IPP: variants seen among roughly 807,000 people sequenced by gnomAD.
The protein encoded by IPP is actin-binding protein IPP.
In IPP, 41 loss-of-function variants were observed where a neutral mutation model predicts 64.1. The observed-to-expected ratio is 0.64, with a 90% CI of 0.50 to 0.83. IPP has a LOEUF of 0.83. Ranked by LOEUF, IPP falls within the 40% of genes least tolerant of loss-of-function variation. The pLI, the probability that IPP is intolerant of heterozygous loss-of-function variation, is 0.00. For synonymous variants in IPP, 214 were observed against 235.2 expected, an observed-to-expected ratio of 0.91 and a Z score of 0.83; for missense variants, 649 against 703.0, an observed-to-expected ratio of 0.92 and a Z score of 0.87.
At chr1:45,712,750 T>C (rs1029905916) in intron 8 of IPP, among the ~76,000 whole-genome samples, 1 of 149,546 alleles carries the variant, frequency 6.7e-6, no homozygotes, top group African/African-American at 2.5e-5. Context: ...TCCCAGCTAC[T>C]GGAAGGCTGA....
At chr1:45,694,709 A>T (rs749337419), downstream of IPP, 86 of 515,380 alleles carry the variant, frequency 1.7e-4, no homozygotes, top group Admixed American at 7.1e-4. Context: ...AGTTTTTATT[A>T]GGATATTTGG....
chr1:45,704,171 G>C (rs950602789), intron 8 of IPP, among the ~76,000 whole-genome samples: 1 of 152,084 alleles, frequency 6.6e-6, no homozygotes, highest in Non-Finnish European at 1.5e-5. Flanking sequence ...CAGCTGGTAT[G>C]GTAAGAAAAT....
At chr1:45,721,026 G>A (rs1345898370) in intron 5 of IPP, among the ~76,000 whole-genome samples, 1 of 152,068 alleles carries the variant, frequency 6.6e-6, no homozygotes, top group Admixed American at 6.6e-5. Context: ...TTCATCAAAG[G>A]ATACCATAAA....
rs147914465 is a variant in IPP, at chr1:45,748,142, T to A, written c.-50-1681A>T. 6.6e-5 allele frequency among the ~76,000 whole-genome samples: 10 copies of A among 152,200 alleles called. No individual in the cohort carries two copies. The East Asian group carries it at 1.9e-3, about 29-fold the overall frequency. On this transcript the variant is annotated intron_variant, in intron 1 of 8. Coordinates refer to ENST00000396478, the MANE Select transcript of IPP (RefSeq NM_005897.3). ...ACTTCATATCACCATCTACAGAATA[T>A]CAACATATTACATATAACTAGCATA...
chr1:45,711,302 T>C (rs1373082046), intron 8 of IPP, among the ~76,000 whole-genome samples: 5 of 151,718 alleles, frequency 3.3e-5, no homozygotes, highest in Non-Finnish European at 7.4e-5. Flanking sequence ...GATCACGCCA[T>C]TGCACTTCAG....
At chr1:45,701,437 G>A (rs188237162) in intron 8 of IPP, among the ~76,000 whole-genome samples, 139 of 152,274 alleles carry the variant, frequency 9.1e-4, no homozygotes, top group African/African-American at 3.2e-3. Flanking sequence ...ACAGGAACCC[G>A]CCACCACGCC....
intron 3 of IPP, among the ~76,000 whole-genome samples, chr1:45,740,626 A>T (rs1646050248): frequency 6.6e-6 from 1 of 152,236 alleles, no homozygotes; most frequent in Non-Finnish European, 1.5e-5. Flanking sequence ...CTCTGTCAGT[A>T]ATTTTTATCT....
chr1:45,701,445 G>C (rs922094634), intron 8 of IPP, among the ~76,000 whole-genome samples: 1 of 152,124 alleles, frequency 6.6e-6, no homozygotes. Context: ...CCGCCACCAC[G>C]CCTGGCTAAT....
chr1:45,743,494 G>A (rs1261681743), intron 2 of IPP, among the ~76,000 whole-genome samples: 1 of 151,884 alleles, frequency 6.6e-6, no homozygotes, highest in Non-Finnish European at 1.5e-5. Context: ...TGGGAGGATT[G>A]CTTGAGCCTA....
chr1:45,742,659 G>T (rs115944435), intron 2 of IPP, among the ~76,000 whole-genome samples: 1 of 151,670 alleles, frequency 6.6e-6, no homozygotes, highest in South Asian at 2.1e-4. Context: ...TCAACCTCCC[G>T]AGTAGCTGGT....
chr1:45,714,387 C>G lies in IPP; in HGVS notation c.1389G>C (p.Lys463Asn), dbSNP rs577010046. 34 of 1,614,064 alleles carry G rather than the reference C, an allele frequency of 2.1e-5. No homozygotes were observed. Among genetic ancestry groups the G allele is most frequent in the African/African-American group, 4.0e-5 (3 of 75,048 alleles). The change falls in exon 8 of 9, where the codon AAG (lysine) becomes AAC (asparagine). Residue 463 changes from lysine to asparagine, a missense_variant. Lys to Asn is a moderately conservative substitution (Grantham distance 94). Coordinates refer to ENST00000396478, the MANE Select transcript of IPP (RefSeq NM_005897.3). ...RSFEVYDPLS[K>N]RWSPLPPMGT... ...CCATTGGAGGAAGTGGAGACCAACG[C>G]TTAGAAAGTGGATCATAGACTTCAA... is the stretch of plus-strand genomic sequence containing the variant.
At chr1:45,709,654 A>AT (rs1645564088) in intron 8 of IPP, among the ~76,000 whole-genome samples, 1 of 143,984 alleles carries the variant, frequency 6.9e-6, no homozygotes, top group East Asian at 2.1e-4. Context: ...ATGGAACCCC[A>AT]TCTCTACTAA....
intron 3 of IPP, among the ~76,000 whole-genome samples, chr1:45,738,839 CAAAAAAAAA>C (rs752168393): frequency 3.9e-4 from 3 of 7,696 alleles, no homozygotes; most frequent in African/African-American, 7.0e-4. Context: ...GACTCCATCT[CAAAAAAAAA>C]AAAAAAAAAA....
At chr1:45,708,606 G>A (rs1645545975) in intron 8 of IPP, among the ~76,000 whole-genome samples, 1 of 148,578 alleles carries the variant, frequency 6.7e-6, no homozygotes, top group Non-Finnish European at 1.5e-5. Flanking sequence ...TTGAACCTGG[G>A]AGGCAGACAT....
At chr1:45,749,683 G>A (rs1298612672) in intron 1 of IPP, among the ~76,000 whole-genome samples, 1 of 151,542 alleles carries the variant, frequency 6.6e-6, no homozygotes, top group Non-Finnish European at 1.5e-5. Context: ...ACCACGCCCG[G>A]CTAATTTTTT....
At chr1:45,724,137 A>G (rs1356695323) in intron 5 of IPP, among the ~76,000 whole-genome samples, 5 of 151,828 alleles carry the variant, frequency 3.3e-5, no homozygotes, top group African/African-American at 1.2e-4. Flanking sequence ...GCGCGCCGCC[A>G]CGCCTGACTG....
intron 8 of IPP, among the ~76,000 whole-genome samples, chr1:45,711,447 A>G (rs765844170): frequency 6.6e-6 from 1 of 151,790 alleles, no homozygotes; most frequent in African/African-American, 2.4e-5. Context: ...ATACCATGAA[A>G]ACACTAATGA....
Position 45,716,916 on chromosome 1 carries a change from A to T in IPP, c.1288T>A (p.Phe430Ile). The T allele has an allele frequency of 6.2e-7, 1 of 1,612,900 alleles. No individual in the cohort carries two copies. The highest frequency in any genetic ancestry group is 8.5e-7 in the Non-Finnish European group (1 of 1,179,468). Reference sequence around the variant, plus strand: ...TTACCTTGCATTTCACAGCACCCAAAGTAGTAGCGTGACACAGCCATGTTA... The same window carrying T: ...TTACCTTGCATTTCACAGCACCCAATGTAGTAGCGTGACACAGCCATGTTA... ...VGNMAVSRYYFGCCEMQGLIY... is the reference protein window; with the variant it reads ...VGNMAVSRYYIGCCEMQGLIY... Residue 430 changes from phenylalanine to isoleucine, a missense_variant, in exon 7 of 9, where the codon TTT becomes ATT. Phe to Ile is a conservative substitution (Grantham distance 21). Transcript: ENST00000396478.
intron 3 of IPP, among the ~76,000 whole-genome samples, chr1:45,731,371 G>T (rs1458113939): frequency 6.6e-6 from 1 of 152,184 alleles, no homozygotes; most frequent in Non-Finnish European, 1.5e-5. Flanking sequence ...AGCCCAGGAA[G>T]TCAAGGCTTC....
Sources: gnomAD v4.1 joint callset for allele counts (sites outside exome capture counted in the v4.1 genomes callset) on GRCh38, gnomAD v4.1.1 for gene constraint, MANE v1.5 for transcripts, NCBI Gene and HGNC (gene_info 2026-07-23, HGNC 2026-07-21) for gene names.